CCDC149: variants seen among roughly 807,000 people sequenced by gnomAD.
CCDC149 encodes coiled-coil domain containing 149, also known as coiled-coil domain-containing protein 149.
Under a neutral mutation model 59.9 loss-of-function variants are expected in CCDC149, and 45 were observed. The observed-to-expected ratio is 0.75, with a 90% confidence interval of 0.59 to 0.96. The LOEUF is 0.96. CCDC149 is among the 40% of genes least tolerant of loss of function. CCDC149 has a pLI of 0.00. For missense variants in CCDC149, 584 were observed against 664.7 expected (o/e 0.88, Z 1.33); for synonymous variants, 245 against 260.6 (o/e 0.94, Z 0.58).
rs115065057 is a variant in CCDC149, at chr4:24,923,581, T to C, written c.-64-28463A>G. 3.5e-3 allele frequency among the ~76,000 whole-genome samples: 526 copies of C among 152,246 alleles called. 2 individuals carry two copies. Among genetic ancestry groups the C allele is most frequent in the African/African-American group, 0.012 (510 of 41,552 alleles). ...ATGTATAAAAGTTAGGTAGCCAAGA[T>C]AGGCTGAGAAGGAGTAGCACAGGGG... On this transcript the variant is annotated intron_variant, in intron 1 of 12. Coordinates refer to the CCDC149 transcript ENST00000389609.
At chr4:24,886,136 T>C (rs1050463903) in intron 1 of CCDC149, among the ~76,000 whole-genome samples, 1 of 152,164 alleles carries the variant, frequency 6.6e-6, no homozygotes, top group African/African-American at 2.4e-5. Flanking sequence ...GGTATATCAA[T>C]TAGGATTCTT....
At chr4:24,932,895 A>G (rs73103284) in intron 1 of CCDC149, among the ~76,000 whole-genome samples, 2,462 of 152,300 alleles carry the variant, frequency 0.016, 63 homozygotes, top group African/African-American at 0.056. Context: ...ATTTAGAGCC[A>G]TCAGAGCAAT....
chr4:24,808,496 G>C lies in CCDC149; in HGVS notation c.1516C>G (p.His506Asp). Reference sequence around the variant, plus strand: ...CGGCTGGCCTCGAAGGAGTCCAGGTGAGATTTAGGGAGCTCCCCCTGGATG... The same window carrying C: ...CGGCTGGCCTCGAAGGAGTCCAGGTCAGATTTAGGGAGCTCCCCCTGGATG... The change falls in exon 13 of 13, where the codon CAC becomes GAC. Residue 506 changes from histidine to aspartate, a missense_variant. Coordinates refer to ENST00000635206, the MANE Select transcript of CCDC149 (RefSeq NM_001330643.2). 3 of 1,507,674 alleles carry C rather than the reference G, an allele frequency of 2.0e-6. No individual in the cohort carries two copies. Among genetic ancestry groups the C allele is most frequent in the Non-Finnish European group, 2.7e-6 (3 of 1,128,306 alleles). 93.4% of individuals were successfully genotyped at this position (1,507,674 alleles called of 1,614,324 possible). A position where few individuals can be genotyped will look rare whatever the true frequency, so the allele number is the denominator to read the frequency against.
intron 3 of CCDC149, among the ~76,000 whole-genome samples, chr4:24,864,399 C>T (rs1454860247): frequency 6.6e-6 from 1 of 152,176 alleles, no homozygotes; most frequent in African/African-American, 2.4e-5. Flanking sequence ...TTTCTGACAA[C>T]TGGATAACCT....
intron 12 of CCDC149, among the ~76,000 whole-genome samples, chr4:24,813,981 T>C (rs1019059883): frequency 1.3e-5 from 2 of 152,240 alleles, no homozygotes; most frequent in Non-Finnish European, 2.9e-5. Context: ...AGGTGGGTCT[T>C]GGCTACTGTT....
intron 3 of CCDC149, among the ~76,000 whole-genome samples, chr4:24,866,557 C>T (rs958794719): frequency 9.9e-5 from 15 of 152,116 alleles, no homozygotes; most frequent in Non-Finnish European, 2.2e-4. Flanking sequence ...TCTGTGTACA[C>T]TTCTGCCTGA....
chr4:24,849,858 G>A (rs1037002249), intron 4 of CCDC149, among the ~76,000 whole-genome samples: 5 of 152,190 alleles, frequency 3.3e-5, no homozygotes, highest in South Asian at 2.1e-4. Context: ...AGAGTTAGGC[G>A]TCCAAAAACA....
At chr4:24,907,873 T>A (rs981163646) in intron 1 of CCDC149, among the ~76,000 whole-genome samples, 2 of 152,182 alleles carry the variant, frequency 1.3e-5, no homozygotes, top group South Asian at 4.1e-4. Context: ...CTCGTCCTAG[T>A]TTCCGGTGGT....
intron 1 of CCDC149, among the ~76,000 whole-genome samples, chr4:24,890,999 A>G (rs771787997): frequency 6.6e-6 from 1 of 152,262 alleles, no homozygotes; most frequent in Non-Finnish European, 1.5e-5. Flanking sequence ...CGCCTGCAGC[A>G]TGCAGGCCTC....
intron 3 of CCDC149, among the ~76,000 whole-genome samples, chr4:24,872,779 AG>A (rs1209487935): frequency 1.4e-4 from 20 of 147,910 alleles, no homozygotes; most frequent in Middle Eastern, 3.8e-3. Context: ...ATGCACCCAC[AG>A]AATGGTATGC....
intron 1 of CCDC149, among the ~76,000 whole-genome samples, chr4:24,962,311 AC>A (rs1723656932): frequency 6.6e-6 from 1 of 152,226 alleles, no homozygotes; most frequent in East Asian, 1.9e-4. Context: ...TCAGGAAACA[AC>A]AGGTGCTGGA....
chr4:24,849,401 G>C (rs1466594933), intron 4 of CCDC149, among the ~76,000 whole-genome samples: 1 of 152,120 alleles, frequency 6.6e-6, no homozygotes, highest in Non-Finnish European at 1.5e-5. Context: ...CTCTCATCTG[G>C]TTTGGCTTGG....
At chr4:24,969,879 C>T (rs1183226391) in intron 1 of CCDC149, among the ~76,000 whole-genome samples, 4 of 152,228 alleles carry the variant, frequency 2.6e-5, no homozygotes, top group African/African-American at 9.6e-5. Context: ...GTGTGACTTG[C>T]ATTTCACTCC....
intron 3 of CCDC149, among the ~76,000 whole-genome samples, chr4:24,862,809 T>C (rs1348863163): frequency 2.0e-5 from 3 of 152,242 alleles, no homozygotes; most frequent in Middle Eastern, 3.2e-3. Flanking sequence ...TAAAATGGCA[T>C]ATAAGCCCCT....
chr4:24,864,495 T>C (rs549492696), intron 3 of CCDC149, among the ~76,000 whole-genome samples: 2 of 152,262 alleles, frequency 1.3e-5, no homozygotes, highest in African/African-American at 4.8e-5. Context: ...TGTGATTTCA[T>C]CTCAGATCCA....
chr4:24,841,051 A>G (rs1716903589), intron 4 of CCDC149, among the ~76,000 whole-genome samples: 1 of 152,172 alleles, frequency 6.6e-6, no homozygotes, highest in Non-Finnish European at 1.5e-5. Context: ...CTATCACATC[A>G]CACAACTCTT....
chr4:24,904,239 G>T (rs1721344438), intron 1 of CCDC149, among the ~76,000 whole-genome samples: 1 of 152,048 alleles, frequency 6.6e-6, no homozygotes. Flanking sequence ...CTTAATAAAG[G>T]TGTTCTTAAA....
chr4:24,921,123 G>C (rs371182172), intron 1 of CCDC149, among the ~76,000 whole-genome samples: 1 of 152,184 alleles, frequency 6.6e-6, no homozygotes, highest in Non-Finnish European at 1.5e-5. Flanking sequence ...ATAAATGTTT[G>C]TTGAGCTCAA....
At chr4:24,904,020 G>A (rs555022178) in intron 1 of CCDC149, among the ~76,000 whole-genome samples, 143 of 152,002 alleles carry the variant, frequency 9.4e-4, no homozygotes, top group African/African-American at 3.2e-3. Flanking sequence ...GGCTGGTCTC[G>A]AACTCCTGAC....
Sources: gnomAD v4.1 joint callset for allele counts (sites outside exome capture counted in the v4.1 genomes callset) on GRCh38, gnomAD v4.1.1 for gene constraint, MANE v1.5 for transcripts, NCBI Gene and HGNC (gene_info 2026-07-23, HGNC 2026-07-21) for gene names.